The following NLGN1 variants were observed in gnomAD, a reference collection of about 807,000 sequenced individuals.
NLGN1 encodes neuroligin-1.
Under a neutral mutation model 65.5 loss-of-function variants are expected in NLGN1, and 12 were observed. The ratio of observed to expected loss-of-function variants is 0.18; its 90% CI spans 0.12 to 0.30. The LOEUF (loss-of-function observed/expected upper bound fraction) is 0.30. NLGN1 is among the 10% of genes least tolerant of loss of function. The pLI is 1.00. For missense variants in NLGN1, 750 were observed against 1,007.1 expected (o/e 0.74, Z 3.46); for synonymous variants, 350 against 359.5 (o/e 0.97, Z 0.30).
At chr3:173,898,011 G>T (rs1358555262) in intron 4 of NLGN1, among the ~76,000 whole-genome samples, 1 of 151,884 alleles carries the variant, frequency 6.6e-6, no homozygotes, top group African/African-American at 2.4e-5. Flanking sequence ...GATTATACTT[G>T]AATTATCATG....
chr3:173,833,868 C>A (rs1723083742), intron 4 of NLGN1, among the ~76,000 whole-genome samples: 1 of 152,136 alleles, frequency 6.6e-6, no homozygotes, highest in African/African-American at 2.4e-5. Flanking sequence ...GTCAAATATA[C>A]ATTTTTTTTC....
At chr3:173,593,985 C>T (rs1426033313) in intron 2 of NLGN1, among the ~76,000 whole-genome samples, 2 of 152,184 alleles carry the variant, frequency 1.3e-5, no homozygotes, top group East Asian at 3.9e-4. Flanking sequence ...TTATCTCCCA[C>T]TGGGTCCCCC....
chr3:174,076,040 A>G (rs1740837698), intron 4 of NLGN1, among the ~76,000 whole-genome samples: 1 of 152,178 alleles, frequency 6.6e-6, no homozygotes, highest in Non-Finnish European at 1.5e-5. Context: ...TTAGCTCATA[A>G]TTGTAAAACC....
intron 2 of NLGN1, among the ~76,000 whole-genome samples, chr3:173,472,165 G>T (rs1189983290): frequency 6.6e-6 from 1 of 152,058 alleles, no homozygotes; most frequent in East Asian, 1.9e-4. Flanking sequence ...ACAGAAATAG[G>T]ATGCTGATTA....
intron 4 of NLGN1, among the ~76,000 whole-genome samples, chr3:173,935,844 A>G (rs1412778492): frequency 2.0e-5 from 3 of 152,006 alleles, no homozygotes; most frequent in African/African-American, 7.2e-5. Flanking sequence ...GAATTTGTAA[A>G]CTAAGAGAAA....
chr3:173,668,383 T>C (rs1762004603), intron 3 of NLGN1, among the ~76,000 whole-genome samples: 1 of 151,928 alleles, frequency 6.6e-6, no homozygotes, highest in South Asian at 2.1e-4. Context: ...CATTTTAGGG[T>C]AATATAGTGG....
intron 4 of NLGN1, among the ~76,000 whole-genome samples, chr3:173,950,902 T>C (rs1024031679): frequency 6.6e-6 from 1 of 152,168 alleles, no homozygotes; most frequent in Admixed American, 6.5e-5. Context: ...ACTCTTGCTC[T>C]GTTGCCCAGG....
chr3:173,614,457 A>G (rs1470696368), intron 3 of NLGN1, among the ~76,000 whole-genome samples: 1 of 152,040 alleles, frequency 6.6e-6, no homozygotes, highest in Non-Finnish European at 1.5e-5. Flanking sequence ...CTAACTCTCC[A>G]TCCCTGCTAA....
chr3:173,616,374 A>G (rs1213476948), intron 3 of NLGN1, among the ~76,000 whole-genome samples: 2 of 152,130 alleles, frequency 1.3e-5, no homozygotes, highest in Admixed American at 6.6e-5. Context: ...CACTTGAGAC[A>G]CGCAAACAAA....
At chr3:173,551,997 T>C (rs934269191) in intron 2 of NLGN1, among the ~76,000 whole-genome samples, 1 of 152,238 alleles carries the variant, frequency 6.6e-6, no homozygotes, top group African/African-American at 2.4e-5. Flanking sequence ...AAATACTCTT[T>C]GTAAGCCATT....
chr3:174,161,778 CT>C (rs1214463247), intron 4 of NLGN1, among the ~76,000 whole-genome samples: 2 of 151,984 alleles, frequency 1.3e-5, no homozygotes, highest in East Asian at 3.9e-4. Flanking sequence ...TCCACGGGGT[CT>C]GATGGTAGAT....
intron 3 of NLGN1, among the ~76,000 whole-genome samples, chr3:173,792,500 T>C (rs1713022820): frequency 6.6e-6 from 1 of 152,126 alleles, no homozygotes; most frequent in Non-Finnish European, 1.5e-5. Flanking sequence ...ACTCTCCATG[T>C]TTGCACTAAC....
At chr3:174,152,704 T>G (rs1724629329) in intron 4 of NLGN1, among the ~76,000 whole-genome samples, 2 of 151,668 alleles carry the variant, frequency 1.3e-5, no homozygotes, top group Admixed American at 1.3e-4. Flanking sequence ...ACATATTAGG[T>G]TTAAAGGACA....
chr3:174,024,892 G>C (rs540241472), intron 4 of NLGN1, among the ~76,000 whole-genome samples: 2 of 152,230 alleles, frequency 1.3e-5, no homozygotes, highest in African/African-American at 4.8e-5. Context: ...AAAATAGAAA[G>C]TAAACACATT....
At chr3:174,066,516 GTCTCTCTCTCTCTCTCTCTCTCTC>G (rs373763421) in intron 4 of NLGN1, among the ~76,000 whole-genome samples, 4 of 67,030 alleles carry the variant, frequency 6.0e-5, no homozygotes, top group Admixed American at 1.8e-4. Flanking sequence ...TATGGAACAA[GTCTCTCTCTCTCTCTCTCTCTCTC>G]TCTCTCTCTC....
intron 4 of NLGN1, among the ~76,000 whole-genome samples, chr3:173,950,747 C>T (rs551181015): frequency 3.3e-4 from 50 of 150,306 alleles, no homozygotes; most frequent in African/African-American, 1.2e-3. Flanking sequence ...GAGCAGATGT[C>T]GCGGTGAGCC....
intron 4 of NLGN1, among the ~76,000 whole-genome samples, chr3:173,893,072 C>T (rs1437941732): frequency 6.6e-6 from 1 of 152,184 alleles, no homozygotes; most frequent in African/African-American, 2.4e-5. Flanking sequence ...CCTATCCACA[C>T]TTTTGTGAGA....
chr3:174,016,169 G>T (rs1294482457), intron 4 of NLGN1, among the ~76,000 whole-genome samples: 1 of 152,190 alleles, frequency 6.6e-6, no homozygotes, highest in Non-Finnish European at 1.5e-5. Context: ...GCTCCATTTT[G>T]AGTCTAAACT....
rs997219531 is a variant in NLGN1, at chr3:173,986,856, C to A, written c.646+179024C>A. On this transcript the variant is annotated intron_variant, in intron 4 of 6. Transcript: ENST00000457714. Reference sequence around the variant, plus strand: ...GGACAGTGAACAATCTTCCTCAGACCACTTTATTTAGTTCTTGTGCCCTAG... The same window carrying A: ...GGACAGTGAACAATCTTCCTCAGACAACTTTATTTAGTTCTTGTGCCCTAG... Among the ~76,000 whole-genome samples the A allele has an allele frequency of 5.9e-5, 9 of 152,156 alleles. 1 individual carries two copies. The highest frequency in any genetic ancestry group is 1.3e-4 in the Admixed American group (2 of 15,272).
Sources: gnomAD v4.1 joint callset for allele counts (sites outside exome capture counted in the v4.1 genomes callset) on GRCh38, gnomAD v4.1.1 for gene constraint, MANE v1.5 for transcripts, NCBI Gene and HGNC (gene_info 2026-07-23, HGNC 2026-07-21) for gene names.